Variants in SCN1A observed in about 807,000 individuals in gnomAD.
SCN1A encodes the protein sodium channel protein type 1 subunit alpha.
Under a neutral mutation model 193.7 loss-of-function variants are expected in SCN1A, and 13 were observed. The ratio of observed to expected loss-of-function variants is 0.07; its 90% CI spans 0.04 to 0.11. SCN1A has a LOEUF of 0.11. SCN1A is among the 10% of genes least tolerant of loss of function. The probability of loss-of-function intolerance (pLI) is 1.00; values close to 1 mark genes in which losing one functional copy is unlikely to be tolerated. For missense variants in SCN1A, 1,432 were observed against 2,451.1 expected (o/e 0.58, Z 8.78); for synonymous variants, 781 against 843.6 (o/e 0.93, Z 1.29).
intron 2 of SCN1A, among the ~76,000 whole-genome samples, chr2:166,098,216 T>C (rs1339923029): frequency 6.6e-6 from 1 of 152,188 alleles, no homozygotes; most frequent in Non-Finnish European, 1.5e-5. Context: ...TGGTTCAACA[T>C]ATACATATCA....
intron 2 of SCN1A, among the ~76,000 whole-genome samples, chr2:166,111,439 G>GA (rs113807871): frequency 2.9e-3 from 411 of 142,336 alleles, no homozygotes; most frequent in Non-Finnish European, 4.1e-3. Context: ...CTACTGCTCA[G>GA]AAAAAAAAAA....
chr2:166,036,188 T>G lies in SCN1A; in HGVS notation c.3289A>C (p.Ile1097Leu). 6.2e-7 allele frequency: 1 copy of G among 1,614,014 alleles called. No individual in the cohort carries two copies. The highest frequency in any genetic ancestry group is 8.5e-7 in the Non-Finnish European group (1 of 1,179,944). ...GTGSSVEKYI[I>L]DESDYMSFIN... Reference sequence around the variant, plus strand: ...AATGACATGTAATCACTTTCATCAATAATGTATTTTTCAACACTGCTGCCA... The same window carrying G: ...AATGACATGTAATCACTTTCATCAAGAATGTATTTTTCAACACTGCTGCCA... The change falls in exon 19 of 29, where the codon ATT becomes CTT. Residue 1097 changes from isoleucine (I) to leucine (L), a missense_variant. Physicochemically the swap from Ile to Leu is conservative, Grantham distance 5 (BLOSUM62 2). Transcript: ENST00000674923.
At chr2:166,030,570 A>G (rs903316729) in intron 19 of SCN1A, among the ~76,000 whole-genome samples, 1 of 152,198 alleles carries the variant, frequency 6.6e-6, no homozygotes, top group African/African-American at 2.4e-5. Flanking sequence ...ATTAAGTAGT[A>G]ATTTTCTTGA....
chr2:166,136,524 T>C (rs11896706), intron 1 of SCN1A, among the ~76,000 whole-genome samples: 36,040 of 152,048 alleles, frequency 0.24, 4,362 homozygotes, highest in Non-Finnish European at 0.26. Context: ...GCAGTAGCTT[T>C]ATATGTATCT....
At chr2:166,023,888 G>T (rs1275680234) in intron 19 of SCN1A, among the ~76,000 whole-genome samples, 1 of 151,706 alleles carries the variant, frequency 6.6e-6, no homozygotes, top group Admixed American at 6.6e-5. Context: ...CGATTCCCCT[G>T]CCTCAGCCTC....
Position 165,991,186 on chromosome 2 carries a change from T to C in SCN1A, c.*59A>G. On this transcript the variant is annotated 3_prime_UTR_variant, in exon 29 of 29. Coordinates refer to ENST00000674923, the MANE Select transcript of SCN1A (RefSeq NM_001165963.4). ...CCTAAAGGAGTCCTGTTGATAAAAA[T>C]ACATCACCTTCACAGGCTGTAAACA... 1 of 1,471,894 alleles carries C rather than the reference T, an allele frequency of 6.8e-7. No homozygotes were observed. Among genetic ancestry groups the C allele is most frequent in the Non-Finnish European group, 9.3e-7 (1 of 1,078,976 alleles). The allele number at this position is 1,471,894 out of a possible 1,614,324, so 91.2% of individuals were successfully genotyped here. A position where few individuals can be genotyped will look rare whatever the true frequency, so the allele number is the denominator to read the frequency against.
intron 4 of SCN1A, among the ~76,000 whole-genome samples, chr2:166,071,149 C>T (rs1020852): frequency 0.22 from 33,257 of 152,110 alleles, 3,811 homozygotes; most frequent in East Asian, 0.36. Flanking sequence ...TCAGTCTTCA[C>T]TTCAATACCG....
Position 166,015,625 on chromosome 2 carries a change from C to T in SCN1A, c.3532G>A (p.Glu1178Lys). 2 of 1,612,736 alleles carry T rather than the reference C, an allele frequency of 1.2e-6. No homozygotes were observed. The highest frequency in any genetic ancestry group is 1.7e-6 in the Non-Finnish European group (2 of 1,178,944). ...VVEPEETLEPEACFTEGCVQR... is the reference protein window; with the variant it reads ...VVEPEETLEPKACFTEGCVQR... ...TCTTTACCTTCAGTGAAACAAGCTTCTGGTTCAAGAGTTTCTTCAGGTTCC... is the reference window on the plus strand; with the variant it reads ...TCTTTACCTTCAGTGAAACAAGCTTTTGGTTCAAGAGTTTCTTCAGGTTCC... The change falls in exon 20 of 29, where the codon GAA (glutamate) becomes AAA (lysine). Residue 1178 changes from glutamate to lysine, a missense_variant. Transcript: ENST00000674923.
At chr2:166,107,542 A>G (rs1004663122) in intron 2 of SCN1A, among the ~76,000 whole-genome samples, 1 of 152,160 alleles carries the variant, frequency 6.6e-6, no homozygotes, top group Admixed American at 6.5e-5. Flanking sequence ...ACTGGAAAGT[A>G]TGAATTTTAT....
rs1439551246 is a variant in SCN1A, at chr2:166,026,256, G to A, written c.3429+9792C>T. Among the ~76,000 whole-genome samples the A allele has an allele frequency of 2.6e-5, 4 of 152,012 alleles. No individual in the cohort carries two copies. In the East Asian group the frequency reaches 7.7e-4, roughly 29 times the overall value. Reference sequence around the variant, plus strand: ...CTATTTTTTAAAATATTTTACCATAGGCTAAAAAAGTTGTATTAAAACCTT... The same window carrying A: ...CTATTTTTTAAAATATTTTACCATAAGCTAAAAAAGTTGTATTAAAACCTT... On this transcript the variant is annotated intron_variant, in intron 19 of 28. Transcript: ENST00000674923.
intron 2 of SCN1A, among the ~76,000 whole-genome samples, chr2:166,106,765 C>T (rs1688740850): frequency 6.6e-6 from 1 of 152,142 alleles, no homozygotes; most frequent in South Asian, 2.1e-4. Context: ...TAATGGTCCA[C>T]ATTGCTAATG....
chr2:166,063,187 T>G (rs1320120855), intron 4 of SCN1A, among the ~76,000 whole-genome samples: 1 of 152,124 alleles, frequency 6.6e-6, no homozygotes, highest in Non-Finnish European at 1.5e-5. Context: ...TTGAAATTAA[T>G]AACATCATTT....
chr2:166,028,072 T>C (rs1306443356), intron 19 of SCN1A, among the ~76,000 whole-genome samples: 1 of 152,176 alleles, frequency 6.6e-6, no homozygotes, highest in Admixed American at 6.5e-5. Context: ...TTCTATTCTT[T>C]AGTCAAACAC....
chr2:166,058,108 C>T (rs1471585264), intron 5 of SCN1A, among the ~76,000 whole-genome samples: 2 of 152,052 alleles, frequency 1.3e-5, no homozygotes, highest in South Asian at 4.1e-4. Flanking sequence ...CTGACATTCT[C>T]TGACAGAAAA....
chr2:166,147,865 C>T (rs1292190748), intron 1 of SCN1A, among the ~76,000 whole-genome samples: 13 of 152,228 alleles, frequency 8.5e-5, no homozygotes, highest in East Asian at 7.7e-4. Context: ...ATTTATTTTA[C>T]GATCACTCAT....
intron 1 of SCN1A, among the ~76,000 whole-genome samples, chr2:166,141,042 C>T (rs1692060096): frequency 6.6e-6 from 1 of 152,104 alleles, no homozygotes; most frequent in Non-Finnish European, 1.5e-5. Flanking sequence ...GCTGTCACAT[C>T]TGGCCTCAGC....
intron 1 of SCN1A, among the ~76,000 whole-genome samples, chr2:166,143,523 T>C (rs1276851280): frequency 6.6e-6 from 1 of 152,154 alleles, no homozygotes; most frequent in Non-Finnish European, 1.5e-5. Context: ...TGACTAAGGA[T>C]GTATTTTGGG....
At chr2:166,073,218 A>G (rs2105981269) in intron 4 of SCN1A, 140 bp downstream of exon 4, 1 of 990,610 alleles carries the variant, frequency 1.0e-6, no homozygotes. Context: ...ATATGCATAA[A>G]CCACCCACAA....
chr2:166,036,010 ATATG>A, intron 19 of SCN1A, 34 bp downstream of exon 19: 1 of 1,595,364 alleles, frequency 6.3e-7, no homozygotes, highest in Non-Finnish European at 8.6e-7. Context: ...GTATATATGT[ATATG>A]TATTCATACC....
Sources: allele counts gnomAD v4.1 joint callset (sites outside exome capture counted in the v4.1 genomes callset), GRCh38; gene constraint gnomAD v4.1.1; transcripts MANE v1.5; gene names NCBI Gene and HGNC (gene_info 2026-07-23, HGNC 2026-07-21).